The following ARSG variants were observed in gnomAD, a reference collection of about 807,000 sequenced individuals.
The protein encoded by ARSG is ASG.
ARSG carries 37 observed loss-of-function variants against 50.5 expected under a neutral mutation model. The observed-to-expected ratio is 0.73, with a 90% CI of 0.56 to 0.96. The LOEUF is 0.96. Ranked by LOEUF, ARSG falls within the 50% of genes least tolerant of loss-of-function variation. The pLI is 0.00. For synonymous variants in ARSG, 225 were observed against 254.6 expected (o/e 0.88, Z 1.11); for missense variants, 629 against 675.3 (o/e 0.93, Z 0.76).
chr17:68,282,091 G>A (rs903521398), intron 1 of ARSG, among the ~76,000 whole-genome samples: 13 of 152,110 alleles, frequency 8.5e-5, no homozygotes, highest in Admixed American at 7.9e-4. Flanking sequence ...GCAAAGACTT[G>A]GAACCAATCC....
At chr17:68,262,204 G>T in intron 1 of ARSG, among the ~76,000 whole-genome samples, 1 of 151,724 alleles carries the variant, frequency 6.6e-6, no homozygotes, top group Non-Finnish European at 1.5e-5. Flanking sequence ...GGGCGTAGTG[G>T]CTCACGCCTG....
At chr17:68,276,154 C>T (rs2075511628) in intron 1 of ARSG, among the ~76,000 whole-genome samples, 1 of 151,486 alleles carries the variant, frequency 6.6e-6, no homozygotes, top group Non-Finnish European at 1.5e-5. Context: ...AGTGCAGTGG[C>T]ACAATCTCAG....
chr17:68,355,276 A>T (rs1252519304), intron 5 of ARSG, among the ~76,000 whole-genome samples: 1 of 152,230 alleles, frequency 6.6e-6, no homozygotes. Flanking sequence ...AGAGATCATG[A>T]CCAGAGTCAG....
At chr17:68,385,671 A>G (rs1416362904) in intron 9 of ARSG, among the ~76,000 whole-genome samples, 2 of 152,102 alleles carry the variant, frequency 1.3e-5, no homozygotes, top group South Asian at 2.1e-4. Context: ...TTTCACATAC[A>G]TCAGCATTGG....
intron 10 of ARSG, among the ~76,000 whole-genome samples, 193 bp downstream of exon 10, chr17:68,395,386 G>A (rs188423025): frequency 1.3e-5 from 2 of 152,312 alleles, no homozygotes; most frequent in East Asian, 1.9e-4. Context: ...TCAGGAGTTC[G>A]AGACCAGCCT....
intron 1 of ARSG, among the ~76,000 whole-genome samples, chr17:68,297,361 C>T (rs1032015127): frequency 4.6e-5 from 7 of 152,188 alleles, no homozygotes; most frequent in Admixed American, 1.3e-4. Flanking sequence ...TCAGGTTTAG[C>T]CAAGATGGCA....
chr17:68,278,923 T>A (rs984806532), intron 1 of ARSG, among the ~76,000 whole-genome samples: 6 of 152,034 alleles, frequency 3.9e-5, no homozygotes, highest in African/African-American at 1.4e-4. Context: ...CCCAGCTGAT[T>A]GTTGAATATT....
chr17:68,437,360 G>A, the ARSG span, among the ~76,000 whole-genome samples: 1 of 151,978 alleles, frequency 6.6e-6, no homozygotes, highest in Non-Finnish European at 1.5e-5. Flanking sequence ...TTCGAGATCG[G>A]GCTGGCCAAC....
At chr17:68,346,476 G>A (rs538954872) in intron 3 of ARSG, among the ~76,000 whole-genome samples, 1 of 152,188 alleles carries the variant, frequency 6.6e-6, no homozygotes, top group South Asian at 2.1e-4. Flanking sequence ...CACCATGGGG[G>A]TGGCGTCCCT....
chr17:68,380,200 A>ACCTTCCTTCCT (rs895621078), intron 8 of ARSG, among the ~76,000 whole-genome samples: 1 of 145,534 alleles, frequency 6.9e-6, no homozygotes, highest in Non-Finnish European at 1.5e-5. Context: ...CCTTCCTTCT[A>ACCTTCCTTCCT]CCTTCCTTCC....
downstream of ARSG, chr17:68,426,254 G>GGGGCCCCCCCCCCCCCCC: frequency 3.7e-6 from 3 of 816,916 alleles, no homozygotes; most frequent in Non-Finnish European, 5.8e-6. Context: ...GGGAGCGGGG[G>GGGGCCCCCCCCCCCCCCC]CTCAAATAAA....
At position 68,263,893 on chromosome 17, in the gene ARSG, T is replaced by C. The variant is rs76866153; in HGVS notation, c.-552+4467T>C. On this transcript the variant is annotated intron_variant, in intron 1 of 11. Coordinates refer to the ARSG transcript ENST00000448504. ...TATTTTTTGAGATGGAATCTTGCTCTGTCGCCCAGGCTAGGGTGCAGTGGC... is the reference window on the plus strand; with the variant it reads ...TATTTTTTGAGATGGAATCTTGCTCCGTCGCCCAGGCTAGGGTGCAGTGGC... Among the ~76,000 whole-genome samples, 1,265 of 152,330 alleles carry C rather than the reference T, an allele frequency of 8.3e-3. 15 individuals carry two copies. Among genetic ancestry groups the C allele is most frequent in the African/African-American group, 0.029 (1,220 of 41,564 alleles).
intron 6 of ARSG, 25 bp downstream of exon 6, chr17:68,356,829 G>A: frequency 6.2e-7 from 1 of 1,613,884 alleles, no homozygotes; most frequent in Non-Finnish European, 8.5e-7. Context: ...TCCCTCCGCA[G>A]GGCCTCCCCC....
intron 8 of ARSG, among the ~76,000 whole-genome samples, chr17:68,383,624 T>G (rs1421898350): frequency 6.6e-6 from 1 of 152,260 alleles, no homozygotes. Context: ...GCTTCCTCCC[T>G]GCCCTTTGGC....
intron 10 of ARSG, chr17:68,400,344 A>G (rs1178093015): frequency 1.3e-5 from 2 of 152,218 alleles, no homozygotes; most frequent in African/African-American, 4.8e-5. Flanking sequence ...CCTGATGAGG[A>G]AAGATTTCCT....
intron 4 of ARSG, among the ~76,000 whole-genome samples, chr17:68,351,273 A>G (rs192148053): frequency 3.1e-4 from 47 of 151,882 alleles, no homozygotes; most frequent in African/African-American, 1.1e-3. Flanking sequence ...TTCACCAAAT[A>G]CTGAGTATGT....
chr17:68,331,415 T>C (rs2077762227), intron 2 of ARSG, among the ~76,000 whole-genome samples: 1 of 152,018 alleles, frequency 6.6e-6, no homozygotes, highest in African/African-American at 2.4e-5. Context: ...TGGCTAATTT[T>C]TCGTATTTTT....
At chr17:68,450,905 G>T in the ARSG span, 1 of 1,609,882 alleles carries the variant, frequency 6.2e-7, no homozygotes, top group African/African-American at 1.3e-5. Flanking sequence ...CATCTGGGAG[G>T]AAAAGCAGCC....
intron 1 of ARSG, among the ~76,000 whole-genome samples, chr17:68,296,114 A>G (rs1196808468): frequency 6.6e-6 from 1 of 152,200 alleles, no homozygotes; most frequent in Non-Finnish European, 1.5e-5. Context: ...AAATTATTTA[A>G]ATCACATTAC....
Sources: gnomAD v4.1 joint callset for allele counts (sites outside exome capture counted in the v4.1 genomes callset) on GRCh38, gnomAD v4.1.1 for gene constraint, MANE v1.5 for transcripts, NCBI Gene and HGNC (gene_info 2026-07-23, HGNC 2026-07-21) for gene names.